Variants in CNTNAP2 observed in about 807,000 individuals in gnomAD.
The protein encoded by CNTNAP2 is contactin-associated protein-like 2.
Under a neutral mutation model 155.2 loss-of-function variants are expected in CNTNAP2, and 98 were observed. The ratio of observed to expected loss-of-function variants is 0.63; its 90% CI spans 0.54 to 0.75. CNTNAP2 has a LOEUF of 0.75. Among genes scored for constraint, CNTNAP2 ranks in the 30% least tolerant of loss-of-function variants. CNTNAP2 has a pLI of 0.00. For missense variants in CNTNAP2, 1,727 were observed against 1,688.1 expected, an observed-to-expected ratio of 1.02 and a Z score of -0.40; for synonymous variants, 651 against 631.2, an observed-to-expected ratio of 1.03 and a Z score of -0.47.
At chr7:146,915,249 G>C (rs1796370644) in intron 3 of CNTNAP2, among the ~76,000 whole-genome samples, 1 of 152,064 alleles carries the variant, frequency 6.6e-6, no homozygotes, top group Non-Finnish European at 1.5e-5. Context: ...GTAATGTAAT[G>C]CCTCTAGATT....
chr7:147,265,086 G>A (rs866238094), intron 8 of CNTNAP2, among the ~76,000 whole-genome samples: 2 of 152,162 alleles, frequency 1.3e-5, no homozygotes, highest in African/African-American at 2.4e-5. Context: ...ACTTCAGAAG[G>A]ACTCCCAGGT....
chr7:146,652,063 T>G (rs1799923696), intron 1 of CNTNAP2, among the ~76,000 whole-genome samples: 1 of 152,002 alleles, frequency 6.6e-6, no homozygotes, highest in Admixed American at 6.6e-5. Context: ...GAAATAACGA[T>G]AAATTGAACA....
intron 3 of CNTNAP2, among the ~76,000 whole-genome samples, chr7:146,976,803 G>A (rs1797920332): frequency 6.6e-6 from 1 of 152,158 alleles, no homozygotes; most frequent in African/African-American, 2.4e-5. Flanking sequence ...GCGAAACCCG[G>A]CAAAGCCTGT....
intron 14 of CNTNAP2, among the ~76,000 whole-genome samples, chr7:147,904,140 G>A (rs1272845731): frequency 6.6e-6 from 1 of 152,006 alleles, no homozygotes; most frequent in Non-Finnish European, 1.5e-5. Context: ...GATCTGGATT[G>A]GAAAAATAGG....
At chr7:148,056,313 C>A (rs1803007723) in intron 15 of CNTNAP2, among the ~76,000 whole-genome samples, 1 of 152,118 alleles carries the variant, frequency 6.6e-6, no homozygotes. Context: ...AACATTGACC[C>A]AAAAACCATG....
intron 3 of CNTNAP2, among the ~76,000 whole-genome samples, chr7:146,905,961 C>T (rs537423276): frequency 9.7e-4 from 148 of 152,304 alleles, no homozygotes; most frequent in African/African-American, 3.2e-3. Flanking sequence ...GTGCGCGAGC[C>T]GAAGCAGGGC....
intron 12 of CNTNAP2, among the ~76,000 whole-genome samples, chr7:147,564,932 C>G (rs77482005): frequency 6.6e-6 from 1 of 152,280 alleles, no homozygotes; most frequent in Non-Finnish European, 1.5e-5. Context: ...AGGCACCTTT[C>G]AGTTCTTTGC....
chr7:147,127,361 T>G (rs1231513457), intron 6 of CNTNAP2, among the ~76,000 whole-genome samples: 2 of 152,098 alleles, frequency 1.3e-5, no homozygotes, highest in Non-Finnish European at 2.9e-5. Context: ...TAATTGATTT[T>G]ATTGTAAATG....
At chr7:146,194,455 G>A (rs149266984) in intron 1 of CNTNAP2, among the ~76,000 whole-genome samples, 4 of 152,232 alleles carry the variant, frequency 2.6e-5, no homozygotes, top group Non-Finnish European at 5.9e-5. Context: ...TATCTTGTGA[G>A]ACCTAGTCAC....
intron 1 of CNTNAP2, among the ~76,000 whole-genome samples, chr7:146,272,243 C>A (rs1800094068): frequency 6.6e-6 from 1 of 152,028 alleles, no homozygotes; most frequent in Non-Finnish European, 1.5e-5. Context: ...GAAAATCTCC[C>A]TATAAAACTA....
intron 1 of CNTNAP2, among the ~76,000 whole-genome samples, chr7:146,190,672 A>G (rs1426429890): frequency 1.3e-5 from 2 of 152,204 alleles, no homozygotes; most frequent in Admixed American, 6.5e-5. Flanking sequence ...ATAAGTGATA[A>G]TGGAAAGTAA....
intron 2 of CNTNAP2, among the ~76,000 whole-genome samples, chr7:146,782,837 C>T (rs1802514082): frequency 6.6e-6 from 1 of 152,138 alleles, no homozygotes; most frequent in Non-Finnish European, 1.5e-5. Context: ...CTAAAAACAA[C>T]ACTATAGATA....
intron 11 of CNTNAP2, among the ~76,000 whole-genome samples, chr7:147,523,939 TCAAA>T (rs1425104121): frequency 2.0e-5 from 3 of 152,090 alleles, no homozygotes; most frequent in Non-Finnish European, 2.9e-5. Context: ...AGCACGGAGG[TCAAA>T]CAGTTTCCTC....
intron 3 of CNTNAP2, among the ~76,000 whole-genome samples, chr7:146,912,021 C>T (rs752925582): frequency 8.6e-5 from 13 of 151,782 alleles, no homozygotes; most frequent in Non-Finnish European, 1.5e-4. Flanking sequence ...TAAATATTTG[C>T]ATGTGGTACA....
intron 13 of CNTNAP2, among the ~76,000 whole-genome samples, chr7:147,897,373 A>T (rs991063720): frequency 6.6e-6 from 1 of 152,184 alleles, no homozygotes; most frequent in African/African-American, 2.4e-5. Context: ...AGGACAAAGG[A>T]GTCATCTGCT....
chr7:146,495,901 G>A (rs986229699), intron 1 of CNTNAP2, among the ~76,000 whole-genome samples: 1 of 152,094 alleles, frequency 6.6e-6, no homozygotes, highest in Non-Finnish European at 1.5e-5. Flanking sequence ...AATTTCAAAA[G>A]AAGGTCAAAA....
chr7:146,493,343 G>T (rs904884468), intron 1 of CNTNAP2, among the ~76,000 whole-genome samples: 2 of 152,152 alleles, frequency 1.3e-5, no homozygotes, highest in Non-Finnish European at 2.9e-5. Context: ...AGCGCAGAAG[G>T]TTAATAGTGG....
chr7:147,930,019 G>T (rs554542978), intron 14 of CNTNAP2, among the ~76,000 whole-genome samples: 9 of 152,058 alleles, frequency 5.9e-5, no homozygotes, highest in African/African-American at 9.7e-5. Flanking sequence ...ATGCTCACTC[G>T]CCCGCCTCAC....
rs113981143 is a variant in CNTNAP2 at position 148,290,972 on chromosome 7, G to A, written c.3475+23846G>A. Among the ~76,000 whole-genome samples the A allele has an allele frequency of 2.4e-3, 370 of 152,280 alleles. 2 individuals are homozygous for A. The highest frequency in any genetic ancestry group is 8.7e-3 in the African/African-American group (361 of 41,552). On this transcript the variant is annotated intron_variant, in intron 21 of 23. Coordinates refer to ENST00000361727, the MANE Select transcript of CNTNAP2 (RefSeq NM_014141.6). Reference sequence around the variant, plus strand: ...AATTATTACTTGAAATGGGTTTTGTGAAAGGATGGTTTTGGTGTTGCTTTG... The same window carrying A: ...AATTATTACTTGAAATGGGTTTTGTAAAAGGATGGTTTTGGTGTTGCTTTG...
Sources: gnomAD v4.1 joint callset for allele counts (sites outside exome capture counted in the v4.1 genomes callset) on GRCh38, gnomAD v4.1.1 for gene constraint, MANE v1.5 for transcripts, NCBI Gene and HGNC (gene_info 2026-07-23, HGNC 2026-07-21) for gene names.